Variants in GRID2 observed in about 807,000 individuals in gnomAD.
GRID2 encodes glutamate receptor ionotropic, delta-2.
Under a neutral mutation model 114.8 loss-of-function variants are expected in GRID2, and 33 were observed. The observed-to-expected ratio is 0.29, with a 90% CI of 0.22 to 0.38. The LOEUF is 0.38. Ranked by LOEUF, GRID2 falls within the 10% of genes least tolerant of loss-of-function variation. The probability of loss-of-function intolerance (pLI) is 1.00; values close to 1 mark genes in which losing one functional copy is unlikely to be tolerated. For missense variants in GRID2, 1,184 were observed against 1,257.7 expected (o/e 0.94, Z 0.89); for synonymous variants, 505 against 449.9 (o/e 1.12, Z -1.55).
chr4:92,321,122 A>G (rs978281350), intron 1 of GRID2, among the ~76,000 whole-genome samples: 4 of 152,174 alleles, frequency 2.6e-5, no homozygotes, highest in African/African-American at 4.8e-5. Flanking sequence ...TTCTCTGAAA[A>G]CATAATTAGC....
chr4:93,680,458 T>G (rs372732218), intron 14 of GRID2, among the ~76,000 whole-genome samples: 2 of 150,608 alleles, frequency 1.3e-5, no homozygotes, highest in African/African-American at 2.5e-5. Flanking sequence ...TACCAAAGCC[T>G]GGCAGAGACA....
intron 2 of GRID2, among the ~76,000 whole-genome samples, chr4:92,909,776 AT>A (rs1183196824): frequency 3.9e-5 from 6 of 152,266 alleles, no homozygotes; most frequent in African/African-American, 9.6e-5. Flanking sequence ...TTTTTAAAGC[AT>A]TTTTTATGTT....
intron 3 of GRID2, among the ~76,000 whole-genome samples, chr4:93,097,290 TTACAA>T (rs915605734): frequency 1.3e-5 from 2 of 150,548 alleles, no homozygotes; most frequent in African/African-American, 4.9e-5. Context: ...CAATAAAAAA[TTACAA>T]TATAGAACAA....
intron 2 of GRID2, among the ~76,000 whole-genome samples, chr4:92,912,335 A>C (rs1342811551): frequency 6.6e-6 from 1 of 151,838 alleles, no homozygotes; most frequent in Non-Finnish European, 1.5e-5. Flanking sequence ...TGAAAAATAG[A>C]TCTTGTAAGC....
intron 3 of GRID2, among the ~76,000 whole-genome samples, chr4:93,100,108 A>C (rs1731571589): frequency 6.6e-6 from 1 of 151,924 alleles, no homozygotes; most frequent in African/African-American, 2.4e-5. Flanking sequence ...TTTCCTTTGC[A>C]TTAGTATATA....
chr4:93,316,213 G>A (rs1473459730), intron 8 of GRID2, among the ~76,000 whole-genome samples: 1 of 151,024 alleles, frequency 6.6e-6, no homozygotes, highest in Non-Finnish European at 1.5e-5. Context: ...AGTTGTAGTA[G>A]GTCCAGCCTG....
chr4:93,460,453 C>G (rs976285683), intron 11 of GRID2, among the ~76,000 whole-genome samples: 5 of 152,142 alleles, frequency 3.3e-5, no homozygotes, highest in Non-Finnish European at 7.4e-5. Flanking sequence ...ACAGCAAGTT[C>G]CTATTCATCC....
chr4:92,647,182 A>C (rs1731688164), intron 2 of GRID2, among the ~76,000 whole-genome samples: 1 of 152,196 alleles, frequency 6.6e-6, no homozygotes, highest in African/African-American at 2.4e-5. Flanking sequence ...TTTATAAGAT[A>C]AAATCATGAT....
intron 2 of GRID2, among the ~76,000 whole-genome samples, chr4:93,071,993 CA>C (rs1033109136): frequency 1.3e-5 from 2 of 151,454 alleles, no homozygotes; most frequent in African/African-American, 2.4e-5. Context: ...AACACAATGT[CA>C]AAAAAAAGCA....
intron 8 of GRID2, among the ~76,000 whole-genome samples, chr4:93,388,665 G>A (rs1270369335): frequency 6.6e-6 from 1 of 152,124 alleles, no homozygotes; most frequent in Non-Finnish European, 1.5e-5. Flanking sequence ...GGAAAACTAT[G>A]GAAAGACTTT....
chr4:93,255,666 C>T (rs887540989), intron 8 of GRID2, among the ~76,000 whole-genome samples: 6 of 151,988 alleles, frequency 3.9e-5, no homozygotes, highest in African/African-American at 1.2e-4. Context: ...TATTATAAAG[C>T]CAACACCTTG....
intron 14 of GRID2, among the ~76,000 whole-genome samples, chr4:93,727,883 T>C (rs1730087887): frequency 6.6e-6 from 1 of 152,198 alleles, no homozygotes; most frequent in South Asian, 2.1e-4. Context: ...TCTTTTCTTC[T>C]TTATTAGTCT....
intron 5 of GRID2, among the ~76,000 whole-genome samples, 157 bp downstream of exon 5, chr4:93,207,614 GT>G (rs1742964014): frequency 6.6e-6 from 1 of 151,996 alleles, no homozygotes; most frequent in African/African-American, 2.4e-5. Flanking sequence ...AGAATGAAGA[GT>G]TTTTAAAAAT....
At chr4:93,480,915 G>A (rs1580203115) in intron 11 of GRID2, among the ~76,000 whole-genome samples, 1 of 109,828 alleles carries the variant, frequency 9.1e-6, no homozygotes, top group Non-Finnish European at 2.4e-5. Flanking sequence ...CTCTACAGTA[G>A]GCCAGGGAGG....
intron 13 of GRID2, among the ~76,000 whole-genome samples, chr4:93,549,942 T>A (rs1578238722): frequency 6.6e-6 from 1 of 152,150 alleles, no homozygotes; most frequent in African/African-American, 2.4e-5. Context: ...GCAACTCACC[T>A]GAATAAATTA....
intron 1 of GRID2, among the ~76,000 whole-genome samples, chr4:92,542,756 C>G (rs914713467): frequency 6.6e-6 from 1 of 151,594 alleles, no homozygotes; most frequent in African/African-American, 2.4e-5. Context: ...TAAACATAAC[C>G]TATTCCCCAA....
chr4:93,508,249 G>T (rs1231781664), intron 12 of GRID2, among the ~76,000 whole-genome samples: 8 of 150,790 alleles, frequency 5.3e-5, no homozygotes, highest in Non-Finnish European at 7.4e-5. Context: ...CCAGGCTGGG[G>T]TGCAGTGGTG....
At chr4:93,022,928 TA>T (rs1723520561) in intron 2 of GRID2, among the ~76,000 whole-genome samples, 1 of 152,046 alleles carries the variant, frequency 6.6e-6, no homozygotes, top group Admixed American at 6.6e-5. Context: ...TTAACATTTT[TA>T]AAACATATAT....
chr4:93,373,401 A>G (rs1763104896), intron 8 of GRID2, among the ~76,000 whole-genome samples: 1 of 152,078 alleles, frequency 6.6e-6, no homozygotes, highest in African/African-American at 2.4e-5. Context: ...ATTACTTCAT[A>G]TTACAATATA....
Sources: gnomAD v4.1 joint callset for allele counts (sites outside exome capture counted in the v4.1 genomes callset) on GRCh38, gnomAD v4.1.1 for gene constraint, MANE v1.5 for transcripts, NCBI Gene and HGNC (gene_info 2026-07-23, HGNC 2026-07-21) for gene names.